The following KAZN variants were observed in gnomAD, a reference collection of about 807,000 sequenced individuals.
The protein encoded by KAZN is kazrin.
KAZN carries 40 observed loss-of-function variants against 87.4 expected under a neutral mutation model. That is an observed-to-expected ratio of 0.46 (90% CI 0.36 to 0.60). KAZN has a LOEUF of 0.60. KAZN is among the 20% of genes least tolerant of loss of function. The pLI is 0.00. For synonymous variants in KAZN, 466 were observed against 458.3 expected, an observed-to-expected ratio of 1.02 and a Z score of -0.22; for missense variants, 898 against 1,073.9, an observed-to-expected ratio of 0.84 and a Z score of 2.29.
intron 2 of KAZN, among the ~76,000 whole-genome samples, chr1:14,990,608 G>T (rs577726527): frequency 1.3e-5 from 2 of 152,042 alleles, no homozygotes; most frequent in Admixed American, 1.3e-4. Context: ...GCTTTTGAGC[G>T]ACAACAGCAG....
At chr1:14,334,904 C>G (rs947619033) in intron 2 of KAZN, among the ~76,000 whole-genome samples, 6 of 151,986 alleles carry the variant, frequency 3.9e-5, no homozygotes, top group African/African-American at 1.5e-4. Flanking sequence ...TCCACAAACT[C>G]AGAGAGAAAT....
intron 2 of KAZN, among the ~76,000 whole-genome samples, chr1:14,193,863 G>T (rs75514183): frequency 6.6e-6 from 1 of 152,094 alleles, no homozygotes; most frequent in Non-Finnish European, 1.5e-5. Context: ...TAAGAGCCCA[G>T]GCTTGGCATA....
At chr1:13,987,680 AAGAG>A (rs70987710) in intron 1 of KAZN, among the ~76,000 whole-genome samples, 1 of 151,208 alleles carries the variant, frequency 6.6e-6, no homozygotes. Context: ...GAGGGAGAGA[AAGAG>A]AGAGAGAGAG....
chr1:14,070,882 A>C (rs758617813), intron 1 of KAZN, among the ~76,000 whole-genome samples: 77 of 152,254 alleles, frequency 5.1e-4, no homozygotes, highest in Non-Finnish European at 9.1e-4. Flanking sequence ...ACAGATACTC[A>C]AATCGAGGTA....
At chr1:14,356,062 C>T (rs1658997611) in intron 2 of KAZN, among the ~76,000 whole-genome samples, 1 of 152,178 alleles carries the variant, frequency 6.6e-6, no homozygotes, top group African/African-American at 2.4e-5. Flanking sequence ...TAAAAGTGTT[C>T]CTATTTCTCC....
intron 1 of KAZN, among the ~76,000 whole-genome samples, chr1:13,956,654 A>G (rs1164259242): frequency 6.6e-6 from 1 of 152,192 alleles, no homozygotes; most frequent in African/African-American, 2.4e-5. Flanking sequence ...TCTCGCAGGA[A>G]GTCTGCACTC....
At chr1:14,563,610 A>G (rs1674375986) in intron 2 of KAZN, among the ~76,000 whole-genome samples, 1 of 151,258 alleles carries the variant, frequency 6.6e-6, no homozygotes, top group African/African-American at 2.4e-5. Flanking sequence ...CTTAGCCATC[A>G]CTCCCAGTCA....
intron 1 of KAZN, among the ~76,000 whole-genome samples, chr1:14,083,190 C>T (rs12726425): frequency 0.092 from 14,037 of 152,258 alleles, 861 homozygotes; most frequent in Non-Finnish European, 0.12. Flanking sequence ...GATCTTTAGC[C>T]ATGTAGAATC....
chr1:14,149,569 C>T (rs1645430555), intron 1 of KAZN, among the ~76,000 whole-genome samples: 1 of 152,106 alleles, frequency 6.6e-6, no homozygotes, highest in Non-Finnish European at 1.5e-5. Flanking sequence ...GGGCCTCTTC[C>T]CTGCCACACT....
intron 2 of KAZN, among the ~76,000 whole-genome samples, chr1:14,546,612 AC>A (rs2148504245): frequency 1.3e-5 from 2 of 152,146 alleles, no homozygotes; most frequent in African/African-American, 4.8e-5. Flanking sequence ...AAAAGGAAAG[AC>A]TGCTTGGAAG....
intron 1 of KAZN, among the ~76,000 whole-genome samples, chr1:14,844,446 G>A (rs947126950): frequency 1.3e-5 from 2 of 152,124 alleles, no homozygotes; most frequent in African/African-American, 4.8e-5. Flanking sequence ...ATTATGAACA[G>A]CAACTTTTGG....
At chr1:14,394,556 A>T (rs1003330945) in intron 2 of KAZN, among the ~76,000 whole-genome samples, 87 of 152,346 alleles carry the variant, frequency 5.7e-4, no homozygotes, top group African/African-American at 2.0e-3. Context: ...TATGACTGTC[A>T]TAACACTCCT....
chr1:14,504,327 C>A (rs1670435044), intron 2 of KAZN, among the ~76,000 whole-genome samples: 1 of 152,042 alleles, frequency 6.6e-6, no homozygotes, highest in South Asian at 2.1e-4. Flanking sequence ...TCGAAGAAAG[C>A]CGATGGTCTT....
At chr1:14,295,122 G>T (rs558491151) in intron 2 of KAZN, among the ~76,000 whole-genome samples, 2 of 152,258 alleles carry the variant, frequency 1.3e-5, no homozygotes, top group South Asian at 4.1e-4. Flanking sequence ...GGGTGGTTGA[G>T]AAGGTGGACA....
At chr1:13,938,563 A>G (rs919210701) in intron 1 of KAZN, among the ~76,000 whole-genome samples, 1 of 152,178 alleles carries the variant, frequency 6.6e-6, no homozygotes, top group African/African-American at 2.4e-5. Context: ...CTTCCAGTTC[A>G]AATCCTTGGT....
intron 1 of KAZN, among the ~76,000 whole-genome samples, chr1:14,644,035 A>C (rs1206489526): frequency 3.7e-5 from 2 of 54,324 alleles, no homozygotes; most frequent in African/African-American, 1.5e-4. Flanking sequence ...TTTGAGATGG[A>C]GTTTTGCTCT....
At chr1:14,845,501 G>T (rs1010240155) in intron 1 of KAZN, among the ~76,000 whole-genome samples, 1 of 150,736 alleles carries the variant, frequency 6.6e-6, no homozygotes, top group African/African-American at 2.4e-5. Flanking sequence ...AGTGGGGGAT[G>T]GATGGATAAG....
intron 1 of KAZN, among the ~76,000 whole-genome samples, chr1:13,930,358 C>T (rs1234613238): frequency 6.6e-6 from 1 of 152,202 alleles, no homozygotes; most frequent in East Asian, 1.9e-4. Flanking sequence ...GAACCACCAG[C>T]AGAGGGCAGC....
chr1:14,781,677 AAACCCATC>A (rs1176736683), intron 1 of KAZN, among the ~76,000 whole-genome samples: 8 of 152,122 alleles, frequency 5.3e-5, no homozygotes, highest in African/African-American at 1.9e-4. Flanking sequence ...TGTACCTTTA[AAACCCATC>A]AAGAGGCCGG....
Sources: allele counts gnomAD v4.1 joint callset (sites outside exome capture counted in the v4.1 genomes callset), GRCh38; gene constraint gnomAD v4.1.1; transcripts MANE v1.5; gene names NCBI Gene and HGNC (gene_info 2026-07-23, HGNC 2026-07-21).